CSPP1: variants seen among roughly 807,000 people sequenced by gnomAD.
The protein encoded by CSPP1 is centrosome and spindle pole-associated protein 1.
Under a neutral mutation model 164.4 loss-of-function variants are expected in CSPP1, and 126 were observed. That is an observed-to-expected ratio of 0.77 (90% CI 0.66 to 0.89). The LOEUF (loss-of-function observed/expected upper bound fraction) is 0.89, where lower values mean the gene tolerates loss of function less well. Among genes scored for constraint, CSPP1 ranks in the 40% least tolerant of loss-of-function variants. CSPP1 has a pLI of 0.00. For synonymous variants in CSPP1, 472 were observed against 476.7 expected (o/e 0.99, Z 0.13); for missense variants, 1,395 against 1,449.8 (o/e 0.96, Z 0.61).
intron 25 of CSPP1, chr8:67,174,925 A>T: frequency 5.3e-6 from 1 of 188,556 alleles, no homozygotes; most frequent in South Asian, 1.2e-4. Context: ...CCGTGATTAC[A>T]GTGTCTCATG....
At chr8:67,147,946 T>C (rs1317992431) in intron 17 of CSPP1, among the ~76,000 whole-genome samples, 1 of 152,080 alleles carries the variant, frequency 6.6e-6, no homozygotes, top group Non-Finnish European at 1.5e-5. Flanking sequence ...TTTGAGACAG[T>C]CTCACTCTGT....
chr8:67,138,676 C>T (rs1031476716), intron 17 of CSPP1, among the ~76,000 whole-genome samples: 2 of 152,036 alleles, frequency 1.3e-5, no homozygotes, highest in Admixed American at 6.6e-5. Flanking sequence ...GTGATAGAAT[C>T]GGAAGATTGG....
chr8:67,170,260 C>G (rs952711177), intron 24 of CSPP1, among the ~76,000 whole-genome samples: 1 of 148,144 alleles, frequency 6.8e-6, no homozygotes, highest in Admixed American at 6.8e-5. Context: ...GCCTGACCAA[C>G]GTGGCAAAAT....
Position 67,172,425 on chromosome 8 carries a change from A to G in CSPP1, c.2838A>G (p.Glu946=). 1.2e-6 allele frequency: 2 copies of G among 1,612,148 alleles called. No individual in the cohort carries two copies. Among genetic ancestry groups the G allele is most frequent in the Non-Finnish European group, 1.7e-6 (2 of 1,178,622 alleles). The part of the protein sequence containing the change: ...SDDEIPIRKK[E]RNPMDIFDMA... ...TGTCATTTATCTATAGGAAAAAGGA[A>G]AGGAATCCCATGGATATATTTGATA... The change falls in exon 25 of 31, where the codon GAA becomes GAG. Residue 946 remains glutamate, a synonymous_variant. Coordinates refer to ENST00000678616, the MANE Select transcript of CSPP1 (RefSeq NM_001382391.1).
At chr8:67,077,032 T>C (rs1016321541) in intron 3 of CSPP1, among the ~76,000 whole-genome samples, 9 of 152,224 alleles carry the variant, frequency 5.9e-5, no homozygotes, top group African/African-American at 2.2e-4. Context: ...ACTGTAGCCA[T>C]ACTAATGCTT....
chr8:67,181,813 A>T (rs1341611365), intron 28 of CSPP1, among the ~76,000 whole-genome samples: 2 of 152,246 alleles, frequency 1.3e-5, no homozygotes, highest in Middle Eastern at 3.4e-3. Context: ...CTTCATATGA[A>T]ACAGTAATTC....
chr8:67,086,301 T>C (rs558630909), intron 4 of CSPP1, 191 bp downstream of exon 4: 31 of 650,336 alleles, frequency 4.8e-5, no homozygotes, highest in African/African-American at 3.5e-4. Context: ...ACCGGTGCCA[T>C]AGAATGATAC....
At chr8:67,145,563 G>T (rs1175001606) in intron 17 of CSPP1, among the ~76,000 whole-genome samples, 1 of 147,824 alleles carries the variant, frequency 6.8e-6, no homozygotes. Context: ...TCTCTGTGTC[G>T]CCCAGGTTGG....
intron 3 of CSPP1, among the ~76,000 whole-genome samples, chr8:67,085,710 T>G (rs1000311442): frequency 6.6e-6 from 1 of 152,094 alleles, no homozygotes; most frequent in African/African-American, 2.4e-5. Context: ...AATATAAAAG[T>G]ATCTGTTTAT....
At chr8:67,120,832 A>C (rs1337131170) in intron 15 of CSPP1, among the ~76,000 whole-genome samples, 3 of 151,790 alleles carry the variant, frequency 2.0e-5, no homozygotes, top group South Asian at 2.1e-4. Flanking sequence ...TTCTGATATG[A>C]ATACTTTTTA....
At chr8:67,158,019 A>G (rs1184772413) in intron 19 of CSPP1, among the ~76,000 whole-genome samples, 1 of 152,238 alleles carries the variant, frequency 6.6e-6, no homozygotes, top group Non-Finnish European at 1.5e-5. Context: ...TTTTAGAATA[A>G]TCAATTCCAA....
chr8:67,196,526 C>T lies in CSPP1; in HGVS notation c.*933C>T, dbSNP rs1837969682. ...CTGAGAACATCCCCAGGCACTGCTT[C>T]TCTCTCTAATAATACTTCCTCTGAT... On this transcript the variant is annotated 3_prime_UTR_variant, in exon 31 of 31. Coordinates refer to ENST00000678616, the MANE Select transcript of CSPP1 (RefSeq NM_001382391.1). 6.6e-6 allele frequency among the ~76,000 whole-genome samples: 1 copy of T among 152,188 alleles called. No homozygotes were observed. Among genetic ancestry groups the T allele is most frequent in the South Asian group, 2.1e-4 (1 of 4,828 alleles).
intron 9 of CSPP1, among the ~76,000 whole-genome samples, chr8:67,108,582 C>T (rs1816142145): frequency 6.6e-6 from 1 of 152,084 alleles, no homozygotes. Context: ...TGCACTTTCC[C>T]CAGTTTTCAG....
At chr8:67,076,085 CTTT>C (rs893059518) in intron 2 of CSPP1, among the ~76,000 whole-genome samples, 1 of 144,776 alleles carries the variant, frequency 6.9e-6, no homozygotes, top group African/African-American at 2.5e-5. Context: ...CTTTAATCTG[CTTT>C]TTTTTTTTTC....
chr8:67,132,027 C>T lies in CSPP1; in HGVS notation c.1774C>T (p.Pro592Ser). 1 of 1,613,644 alleles carries T rather than the reference C, an allele frequency of 6.2e-7. No individual in the cohort carries two copies. The highest frequency in any genetic ancestry group is 8.5e-7 in the Non-Finnish European group (1 of 1,179,776). ...TTCAGGATTGATTTTTGAAGATAAA[C>T]CGAAACCTTCCAAACAGTCACTTCA... The part of the protein sequence containing the change: ...INSGLIFEDK[P>S]KPSKQSLQSY... Residue 592 changes from proline to serine, a missense_variant, in exon 16 of 31, where the codon CCG becomes TCG. Coordinates refer to ENST00000678616, the MANE Select transcript of CSPP1 (RefSeq NM_001382391.1).
intron 17 of CSPP1, among the ~76,000 whole-genome samples, chr8:67,143,470 A>T (rs909372729): frequency 6.6e-6 from 1 of 152,114 alleles, no homozygotes; most frequent in African/African-American, 2.4e-5. Context: ...CATGTCAAGC[A>T]TGGTGGCATT....
intron 6 of CSPP1, 49 bp downstream of exon 6, chr8:67,093,690 A>G (rs1182718973): frequency 1.9e-6 from 2 of 1,027,544 alleles, no homozygotes; most frequent in African/African-American, 3.2e-5. Context: ...CCACAGGTTG[A>G]ATATTTTGTA....
rs1024300760 is a variant in CSPP1 at position 67,086,051 on chromosome 8, C to T, written c.244C>T (p.Arg82Trp). 65 of 1,529,760 alleles carry T rather than the reference C, an allele frequency of 4.2e-5. No individual in the cohort carries two copies. The highest frequency in any genetic ancestry group is 2.3e-4 in the Admixed American group (14 of 59,850). 94.8% of individuals were successfully genotyped at this position (1,529,760 alleles called of 1,614,324 possible). The change falls in exon 4 of 31, where the codon CGG (arginine) becomes TGG (tryptophan). Residue 82 changes from arginine to tryptophan, a missense_variant. Physicochemically the swap from Arg to Trp is moderately radical, Grantham distance 101 (BLOSUM62 -3). Transcript: ENST00000678616. ...TTTACCACTTGGAGAAGACTATGAA[C>T]GGAAGAAACATAAATTAAAAGAAGA... ...LSLPLGEDYE[R>W]KKHKLKEELR...
intron 3 of CSPP1, among the ~76,000 whole-genome samples, chr8:67,083,355 A>G (rs898626975): frequency 6.6e-6 from 1 of 151,306 alleles, no homozygotes; most frequent in African/African-American, 2.4e-5. Context: ...AATATGGTGA[A>G]ACCCCGCCTC....
Sources: gnomAD v4.1 joint callset for allele counts (sites outside exome capture counted in the v4.1 genomes callset) on GRCh38, gnomAD v4.1.1 for gene constraint, MANE v1.5 for transcripts, NCBI Gene and HGNC (gene_info 2026-07-23, HGNC 2026-07-21) for gene names.